CDH18: variants seen among roughly 807,000 people sequenced by gnomAD.
CDH18 encodes cadherin 18, also known as cadherin-18.
Under a neutral mutation model 67.9 loss-of-function variants are expected in CDH18, and 31 were observed. That is an observed-to-expected ratio of 0.46 (90% CI 0.34 to 0.62). The LOEUF is 0.62. CDH18 is among the 20% of genes least tolerant of loss of function. The probability of loss-of-function intolerance (pLI) is 0.01; values close to 1 mark genes in which losing one functional copy is unlikely to be tolerated. For missense variants in CDH18, 890 were observed against 975.5 expected, an observed-to-expected ratio of 0.91 and a Z score of 1.17; for synonymous variants, 362 against 347.2, an observed-to-expected ratio of 1.04 and a Z score of -0.48.
intron 2 of CDH18, among the ~76,000 whole-genome samples, chr5:20,040,640 GTA>G (rs1209611041): frequency 1.3e-5 from 2 of 152,122 alleles, no homozygotes; most frequent in Non-Finnish European, 2.9e-5. Context: ...TATTTAGAGA[GTA>G]TTGCTTGTTG....
At chr5:19,746,275 T>C (rs919393980) in intron 4 of CDH18, among the ~76,000 whole-genome samples, 4 of 152,218 alleles carry the variant, frequency 2.6e-5, no homozygotes, top group East Asian at 1.9e-4. Context: ...GGCTGCAGTG[T>C]AGGCTTTGCA....
At position 19,838,870 on chromosome 5, in the gene CDH18, T is replaced by G; in HGVS notation, c.117A>C (p.Lys39Asn). 2 of 1,614,068 alleles carry G rather than the reference T, an allele frequency of 1.2e-6. No homozygotes were observed. Among genetic ancestry groups the G allele is most frequent in the Non-Finnish European group, 1.7e-6 (2 of 1,179,922 alleles). Residue 39 changes from lysine (K) to asparagine (N), a missense_variant, in exon 3 of 13, where the codon AAA (lysine) becomes AAC (asparagine). Lys to Asn is a moderately conservative substitution (Grantham distance 94). This residue lies in a region of CDH18 where 234 missense variants were observed against 307.4 expected (regional missense o/e 0.76). Transcript: ENST00000382275. ...GGACTTCGGTTTCACCTTCAATGTG[T>G]TTGGTTTGGTTTCTCATCACCTTGA... ...SSIKVMRNQT[K>N]HIEGETEVHH...
At chr5:19,624,316 TTAATCTAA>T (rs1300638166) in intron 5 of CDH18, among the ~76,000 whole-genome samples, 10 of 152,068 alleles carry the variant, frequency 6.6e-5, no homozygotes, top group Admixed American at 2.6e-4. Flanking sequence ...GCCATACTCA[TTAATCTAA>T]AAAGACATGG....
chr5:19,722,085 G>C (rs996537951), intron 4 of CDH18, among the ~76,000 whole-genome samples: 2 of 151,960 alleles, frequency 1.3e-5, no homozygotes, highest in Admixed American at 1.3e-4. Context: ...ATGGAGTCTT[G>C]CTCTGTCATT....
At chr5:20,009,702 C>G (rs1162216581) in intron 2 of CDH18, among the ~76,000 whole-genome samples, 1 of 152,072 alleles carries the variant, frequency 6.6e-6, no homozygotes, top group Non-Finnish European at 1.5e-5. Context: ...GGTGGTAATA[C>G]TTAAATATTT....
chr5:20,356,006 C>T (rs1741575717), intron 1 of CDH18, among the ~76,000 whole-genome samples: 1 of 152,182 alleles, frequency 6.6e-6, no homozygotes, highest in South Asian at 2.1e-4. Flanking sequence ...TTTACAATAT[C>T]TGTCCTACAT....
chr5:20,438,236 T>TTA (rs143210484), intron 1 of CDH18, among the ~76,000 whole-genome samples: 61,211 of 146,744 alleles, frequency 0.42, 13,954 homozygotes, highest in Middle Eastern at 0.51. Context: ...TGCCCCCAAA[T>TTA]TATATATATA....
intron 2 of CDH18, among the ~76,000 whole-genome samples, chr5:19,999,542 C>G (rs1736277893): frequency 6.6e-6 from 1 of 152,128 alleles, no homozygotes; most frequent in South Asian, 2.1e-4. Context: ...GCGGAGGTTG[C>G]AGTGAGTTGA....
intron 4 of CDH18, among the ~76,000 whole-genome samples, chr5:19,727,451 C>T (rs1171659375): frequency 2.0e-5 from 3 of 152,124 alleles, no homozygotes; most frequent in South Asian, 4.1e-4. Flanking sequence ...AGATGGTCAG[C>T]GAACCACTAG....
In CDH18 at chr5:19,572,543, G is replaced by T. The variant is rs960179175; in HGVS notation, c.1000-711C>A. Among the ~76,000 whole-genome samples, 7 of 152,252 alleles carry T rather than the reference G, an allele frequency of 4.6e-5. No individual in the cohort carries two copies. The East Asian group carries it at 1.2e-3, about 25-fold the overall frequency. On this transcript the variant is annotated intron_variant, in intron 7 of 12. Transcript: ENST00000382275. ...GCTATAACAGAATACCATACACTGG[G>T]TGGCTTAAGCCAACATCAACGTTCC...
At chr5:20,244,691 G>C (rs1393977074) in intron 2 of CDH18, among the ~76,000 whole-genome samples, 2 of 152,024 alleles carry the variant, frequency 1.3e-5, no homozygotes, top group African/African-American at 4.8e-5. Flanking sequence ...ATGTTGTCTT[G>C]ACAGTTTATG....
intron 1 of CDH18, among the ~76,000 whole-genome samples, chr5:20,316,103 C>G (rs1224058447): frequency 6.6e-6 from 1 of 152,062 alleles, no homozygotes; most frequent in Non-Finnish European, 1.5e-5. Flanking sequence ...CATACAAACT[C>G]TAAGGATTAA....
chr5:19,962,762 G>A (rs6896968), intron 2 of CDH18, among the ~76,000 whole-genome samples: 2 of 151,650 alleles, frequency 1.3e-5, no homozygotes, highest in East Asian at 1.9e-4. Context: ...GGCAAGACTC[G>A]GTCTCAAAAA....
rs1748991814 is a variant in CDH18 at position 20,128,271 on chromosome 5, G to A, written c.-518+127173C>T. On this transcript the variant is annotated intron_variant, in intron 2 of 14. Transcript: ENST00000507958. ...GAAAATAGAAAATAAAAGATCACAT[G>A]AAGAAAAGTTCTTTGAAAACAATAC... Among the ~76,000 whole-genome samples the A allele has an allele frequency of 3.3e-5, 5 of 152,156 alleles. No homozygotes were observed. In the South Asian group the frequency reaches 8.3e-4, roughly 25 times the overall value.
intron 1 of CDH18, among the ~76,000 whole-genome samples, chr5:20,486,335 G>A (rs1168152160): frequency 6.6e-6 from 1 of 152,062 alleles, no homozygotes; most frequent in East Asian, 1.9e-4. Context: ...CTGAAACAAA[G>A]CCTATAGAGA....
At chr5:19,726,364 A>G (rs1581079626) in intron 4 of CDH18, among the ~76,000 whole-genome samples, 1 of 152,226 alleles carries the variant, frequency 6.6e-6, no homozygotes, top group Non-Finnish European at 1.5e-5. Context: ...GAAGTCTCAC[A>G]CAATTGTCTT....
chr5:20,296,096 G>T (rs1314084397), intron 1 of CDH18, among the ~76,000 whole-genome samples: 1 of 151,316 alleles, frequency 6.6e-6, no homozygotes. Flanking sequence ...GCCTGGTCTT[G>T]AACAGCTGAC....
intron 5 of CDH18, among the ~76,000 whole-genome samples, chr5:19,707,016 A>G (rs192379713): frequency 6.6e-6 from 1 of 152,294 alleles, no homozygotes; most frequent in African/African-American, 2.4e-5. Flanking sequence ...TCCGATAACA[A>G]AAGGTTGGGA....
chr5:20,325,036 AT>A (rs1738422931), intron 1 of CDH18, among the ~76,000 whole-genome samples: 1 of 152,178 alleles, frequency 6.6e-6, no homozygotes, highest in African/African-American at 2.4e-5. Flanking sequence ...AGCTTGCTTT[AT>A]CTATCATTTG....
Sources: allele counts gnomAD v4.1 joint callset (sites outside exome capture counted in the v4.1 genomes callset), GRCh38; gene constraint gnomAD v4.1.1; regional missense constraint gnomAD v4.1.1; transcripts MANE v1.5; gene names NCBI Gene and HGNC (gene_info 2026-07-23, HGNC 2026-07-21).